The following CNTN5 variants were observed in gnomAD, a reference collection of about 807,000 sequenced individuals.
The protein encoded by CNTN5 is contactin-5.
A neutral mutation model predicts 129.1 loss-of-function variants in CNTN5; 77 were observed. The ratio of observed to expected loss-of-function variants is 0.60; its 90% CI spans 0.50 to 0.72. The LOEUF (loss-of-function observed/expected upper bound fraction) is 0.72. Among genes scored for constraint, CNTN5 ranks in the 30% least tolerant of loss-of-function variants. CNTN5 has a pLI of 0.00. For missense variants in CNTN5, 1,478 were observed against 1,328.8 expected (o/e 1.11, Z -1.75); for synonymous variants, 509 against 465.6 (o/e 1.09, Z -1.20).
intron 3 of CNTN5, among the ~76,000 whole-genome samples, chr11:99,679,197 A>AATATATATATATATATATATAT (rs34768290): frequency 6.2e-5 from 9 of 146,090 alleles, no homozygotes; most frequent in African/African-American, 2.0e-4. Flanking sequence ...ATATATAGGG[A>AATATATATATATATATATATAT]ATATATATAT....
chr11:100,187,934 C>A (rs982045579), intron 13 of CNTN5, among the ~76,000 whole-genome samples: 27 of 152,230 alleles, frequency 1.8e-4, no homozygotes, highest in African/African-American at 5.3e-4. Flanking sequence ...AAAACATTGA[C>A]AAGTGTGACC....
chr11:100,248,202 A>G (rs1177085200), intron 16 of CNTN5, among the ~76,000 whole-genome samples: 1 of 152,176 alleles, frequency 6.6e-6, no homozygotes, highest in African/African-American at 2.4e-5. Context: ...GACCTGTTTA[A>G]TGTTTTGAAT....
intron 16 of CNTN5, among the ~76,000 whole-genome samples, chr11:100,249,355 A>G (rs1391751249): frequency 6.6e-6 from 1 of 152,334 alleles, no homozygotes; most frequent in East Asian, 1.9e-4. Context: ...TATTGAGGCT[A>G]GATTGAATCC....
At chr11:99,405,369 TC>T (rs1942026978) in intron 2 of CNTN5, among the ~76,000 whole-genome samples, 1 of 152,072 alleles carries the variant, frequency 6.6e-6, no homozygotes, top group Admixed American at 6.6e-5. Context: ...ATTTTCTAGA[TC>T]CTATAGCTGT....
intron 3 of CNTN5, among the ~76,000 whole-genome samples, chr11:99,760,348 G>A (rs533483154): frequency 1.3e-5 from 2 of 152,138 alleles, no homozygotes; most frequent in African/African-American, 2.4e-5. Flanking sequence ...GGGGCCATGG[G>A]CTACAAGCTA....
At chr11:99,109,095 C>T (rs1857656780) in intron 1 of CNTN5, among the ~76,000 whole-genome samples, 1 of 151,152 alleles carries the variant, frequency 6.6e-6, no homozygotes, top group Non-Finnish European at 1.5e-5. Context: ...TGTATATACA[C>T]ATATACACAT....
intron 8 of CNTN5, among the ~76,000 whole-genome samples, chr11:99,977,980 G>T (rs1938098324): frequency 6.6e-6 from 1 of 152,214 alleles, no homozygotes; most frequent in South Asian, 2.1e-4. Flanking sequence ...TTACAGTCAT[G>T]TGCTGCATAG....
chr11:100,141,128 G>C (rs191507325), intron 13 of CNTN5, among the ~76,000 whole-genome samples: 1 of 152,076 alleles, frequency 6.6e-6, no homozygotes, highest in Non-Finnish European at 1.5e-5. Context: ...CATAGGGCAC[G>C]TGGTTGGGGG....
chr11:99,957,702 G>A (rs551282370), intron 8 of CNTN5, among the ~76,000 whole-genome samples: 1 of 152,258 alleles, frequency 6.6e-6, no homozygotes, highest in Non-Finnish European at 1.5e-5. Flanking sequence ...TAAGAAGCAT[G>A]AGAATCCTGG....
intron 3 of CNTN5, among the ~76,000 whole-genome samples, chr11:99,634,925 C>T (rs766213908): frequency 1.3e-5 from 2 of 152,052 alleles, no homozygotes; most frequent in Non-Finnish European, 2.9e-5. Context: ...GGAACTCTCA[C>T]CGGTGTAATT....
intron 3 of CNTN5, among the ~76,000 whole-genome samples, chr11:99,683,369 C>T (rs1347963069): frequency 6.6e-6 from 1 of 151,826 alleles, no homozygotes; most frequent in African/African-American, 2.4e-5. Context: ...TGCAACTAAT[C>T]CAGTACTATT....
chr11:99,332,168 C>T (rs1165741699), intron 2 of CNTN5, among the ~76,000 whole-genome samples: 1 of 152,056 alleles, frequency 6.6e-6, no homozygotes, highest in Non-Finnish European at 1.5e-5. Flanking sequence ...CTCATTATCC[C>T]CAAATATGCA....
At chr11:100,266,986 G>A (rs10501958) in intron 17 of CNTN5, among the ~76,000 whole-genome samples, 23,396 of 151,890 alleles carry the variant, frequency 0.15, 1,986 homozygotes, top group Non-Finnish European at 0.2. Context: ...ATTCTTACAG[G>A]TGAAGACAAA....
chr11:99,713,127 G>A (rs1337745777), intron 3 of CNTN5, among the ~76,000 whole-genome samples: 1 of 152,012 alleles, frequency 6.6e-6, no homozygotes, highest in Admixed American at 6.6e-5. Context: ...GCATGGAATG[G>A]CTTTCCATTT....
At chr11:99,416,631 G>A (rs1158969806) in intron 2 of CNTN5, among the ~76,000 whole-genome samples, 7 of 152,038 alleles carry the variant, frequency 4.6e-5, no homozygotes, top group Non-Finnish European at 1.5e-5. Context: ...CCGGTGTCAT[G>A]GGTGGTAAAG....
chr11:100,081,517 T>C (rs573204100), intron 13 of CNTN5, among the ~76,000 whole-genome samples: 1 of 152,294 alleles, frequency 6.6e-6, no homozygotes, highest in Non-Finnish European at 1.5e-5. Flanking sequence ...AGATGCTATG[T>C]CCGTATTCCA....
chr11:99,021,315 G>T (rs1468426639), intron 1 of CNTN5, 45 bp downstream of exon 1: 1 of 152,154 alleles, frequency 6.6e-6, no homozygotes, highest in Admixed American at 6.5e-5. Context: ...TTCTGTGATT[G>T]TGCACTTCAT....
intron 1 of CNTN5, among the ~76,000 whole-genome samples, chr11:99,200,940 C>T (rs1013309742): frequency 1.3e-5 from 2 of 151,804 alleles, no homozygotes; most frequent in African/African-American, 4.8e-5. Context: ...CAAATGCAAA[C>T]CCTCGTGTTT....
At chr11:99,674,422 A>G (rs563700436) in intron 3 of CNTN5, among the ~76,000 whole-genome samples, 2 of 152,030 alleles carry the variant, frequency 1.3e-5, no homozygotes, top group Non-Finnish European at 2.9e-5. Context: ...CTCTGTTGAT[A>G]GTTTCTTTTG....
Sources: allele counts gnomAD v4.1 joint callset (sites outside exome capture counted in the v4.1 genomes callset), GRCh38; gene constraint gnomAD v4.1.1; transcripts MANE v1.5; gene names NCBI Gene and HGNC (gene_info 2026-07-23, HGNC 2026-07-21).